The following SCAMP2 variants were observed in gnomAD, a reference collection of about 807,000 sequenced individuals.
The protein encoded by SCAMP2 is secretory carrier-associated membrane protein 2.
SCAMP2 carries 25 observed loss-of-function variants against 44.1 expected under a neutral mutation model. The observed-to-expected ratio is 0.57, with a 90% CI of 0.41 to 0.79. The LOEUF is 0.79. SCAMP2 is among the 30% of genes least tolerant of loss of function. SCAMP2 has a pLI of 0.00. For synonymous variants in SCAMP2, 156 were observed against 166.0 expected (o/e 0.94, Z 0.46); for missense variants, 355 against 411.0 (o/e 0.86, Z 1.18).
chr15:74,873,227 G>A lies in SCAMP2; in HGVS notation c.29C>T (p.Ala10Val). MSAFDTNPFADPVDVNPFQD... is the reference protein window; with the variant it reads MSAFDTNPFVDPVDVNPFQD... Reference sequence around the variant, plus strand: ...GAAGGGGTTTACATCCACTGGGTCCGCGAAGGGGTTGGTGTCGAAAGCCGA... The same window carrying A: ...GAAGGGGTTTACATCCACTGGGTCCACGAAGGGGTTGGTGTCGAAAGCCGA... The change falls in exon 1 of 9, where the codon GCG (alanine) becomes GTG (valine). Residue 10 changes from alanine (A) to valine (V), a missense_variant. Ala to Val is a moderately conservative substitution (Grantham distance 64). Coordinates refer to ENST00000268099, the MANE Select transcript of SCAMP2 (RefSeq NM_005697.5). The A allele has an allele frequency of 6.8e-7, 1 of 1,460,590 alleles. No homozygotes were observed. The highest frequency in any genetic ancestry group is 1.4e-5 in the South Asian group (1 of 69,630). The allele number at this position is 1,460,590 out of a possible 1,614,324, so 90.5% of individuals were successfully genotyped here.
chr15:74,865,785 C>CAAAAA (rs768984095), intron 1 of SCAMP2, among the ~76,000 whole-genome samples: 4 of 90,640 alleles, frequency 4.4e-5, no homozygotes, highest in East Asian at 3.2e-4. Context: ...CTCATTTCTC[C>CAAAAA]AAAAAAAAAA....
intron 6 of SCAMP2, 60 bp downstream of exon 6, chr15:74,850,454 T>G: frequency 6.6e-7 from 1 of 1,520,952 alleles, no homozygotes; most frequent in Non-Finnish European, 9.1e-7. Context: ...CCTATAGCCC[T>G]TAGCCTGCTA....
intron 1 of SCAMP2, among the ~76,000 whole-genome samples, chr15:74,865,635 C>T (rs971079882): frequency 6.6e-6 from 1 of 151,346 alleles, no homozygotes; most frequent in Non-Finnish European, 1.5e-5. Flanking sequence ...GATCTGGGAT[C>T]GCTGAAATGT....
intron 1 of SCAMP2, among the ~76,000 whole-genome samples, chr15:74,868,185 C>T (rs1019312052): frequency 5.9e-5 from 9 of 152,188 alleles, no homozygotes; most frequent in African/African-American, 2.2e-4. Flanking sequence ...CAGTTTCCTG[C>T]TTCCTCCTAG....
intron 1 of SCAMP2, among the ~76,000 whole-genome samples, chr15:74,862,830 A>AC (rs1422151912): frequency 2.8e-5 from 4 of 142,566 alleles, no homozygotes; most frequent in Non-Finnish European, 6.0e-5. Context: ...TCAAAAAAAA[A>AC]AAAAAAAACA....
chr15:74,849,872 G>A (rs1003171193), intron 6 of SCAMP2, among the ~76,000 whole-genome samples: 3 of 152,180 alleles, frequency 2.0e-5, no homozygotes, highest in Non-Finnish European at 4.4e-5. Flanking sequence ...ACTCTCTCAC[G>A]AGCTGAGGAC....
intron 7 of SCAMP2, among the ~76,000 whole-genome samples, chr15:74,847,051 T>C (rs1293588132): frequency 6.6e-6 from 1 of 151,130 alleles, no homozygotes; most frequent in African/African-American, 2.4e-5. Context: ...AGAACTGAGA[T>C]TCCAGAAATA....
chr15:74,864,543 G>C (rs548376287), intron 1 of SCAMP2, among the ~76,000 whole-genome samples: 1 of 152,282 alleles, frequency 6.6e-6, no homozygotes, highest in Non-Finnish European at 1.5e-5. Flanking sequence ...TTGCAGTCAG[G>C]GGTGACATGA....
chr15:74,853,118 T>G (rs962249812), intron 3 of SCAMP2: 2 of 296,700 alleles, frequency 6.7e-6, no homozygotes. Context: ...GAGCCAAGTT[T>G]CAGGCACTGG....
At position 74,848,552 on chromosome 15, in the gene SCAMP2, G is replaced by A. The variant is rs754293194; in HGVS notation, c.734+48C>T. On this transcript the variant is annotated intron_variant, in intron 7 of 8. Transcript: ENST00000268099. ...GCTAGAAAACAGGGCAAGAGAGGCT[G>A]AGTCCCATATCCAAAGCCTAATTCC... 9.8e-6 allele frequency: 12 copies of A among 1,218,956 alleles called. No homozygotes were observed. The African/African-American group carries it at 1.8e-4, about 18-fold the overall frequency. The allele number at this position is 1,218,956 out of a possible 1,614,324, so 75.5% of individuals were successfully genotyped here.
At chr15:74,859,641 G>T (rs2064490089) in intron 1 of SCAMP2, among the ~76,000 whole-genome samples, 1 of 139,238 alleles carries the variant, frequency 7.2e-6, no homozygotes, top group Non-Finnish European at 1.6e-5. Context: ...TTTTGAGATG[G>T]AGTCTCGCTC....
chr15:74,848,426 C>T (rs969895133), intron 7 of SCAMP2, 174 bp downstream of exon 7: 34 of 507,232 alleles, frequency 6.7e-5, no homozygotes, highest in Non-Finnish European at 4.5e-5. Flanking sequence ...TGAGTGGCTA[C>T]TGATGAAGAA....
intron 3 of SCAMP2, 37 bp from the exon 4 acceptor site, chr15:74,852,223 A>G (rs764703441): frequency 1.4e-6 from 2 of 1,400,414 alleles, no homozygotes; most frequent in Admixed American, 5.2e-5. Context: ...ACAGCCAGAC[A>G]CAACAAACAG....
At position 74,848,692 on chromosome 15, in the gene SCAMP2, G is replaced by A; in HGVS notation, c.642C>T (p.Asn214=). ...RPIYKAFRSD[N]SFSFFVFFFV... ...AGAAGAACACAAAGAAGCTGAAAGA[G>A]TTGTCGGACCTGTGGAGAGAGAGGG... Residue 214 remains asparagine, a synonymous_variant, in exon 7 of 9, where the codon AAC becomes AAT. Transcript: ENST00000268099. 2 of 1,612,400 alleles carry A rather than the reference G, an allele frequency of 1.2e-6. No homozygotes were observed. The highest frequency in any genetic ancestry group is 1.7e-6 in the Non-Finnish European group (2 of 1,178,514).
chr15:74,855,204 A>T (rs944276805), intron 1 of SCAMP2, among the ~76,000 whole-genome samples: 3 of 151,916 alleles, frequency 2.0e-5, no homozygotes, highest in Non-Finnish European at 4.4e-5. Flanking sequence ...CCTGGGTTGA[A>T]GCGATTCTCC....
intron 1 of SCAMP2, among the ~76,000 whole-genome samples, chr15:74,871,435 C>A (rs1723776732): frequency 3.3e-5 from 5 of 151,954 alleles, no homozygotes; most frequent in African/African-American, 1.2e-4. Context: ...GCCTGGGCGA[C>A]AGAGTGAGAC....
chr15:74,858,584 CA>C (rs949764948), intron 1 of SCAMP2, among the ~76,000 whole-genome samples: 3 of 152,150 alleles, frequency 2.0e-5, no homozygotes, highest in South Asian at 2.1e-4. Context: ...CTTAAGATCT[CA>C]GGGGTAGTGG....
At chr15:74,870,984 G>A (rs1312932741) in intron 1 of SCAMP2, among the ~76,000 whole-genome samples, 1 of 152,174 alleles carries the variant, frequency 6.6e-6, no homozygotes, top group Non-Finnish European at 1.5e-5. Context: ...GTGACATCCT[G>A]ACAGAGCAGA....
At chr15:74,870,050 C>T (rs1011176776) in intron 1 of SCAMP2, among the ~76,000 whole-genome samples, 1 of 152,178 alleles carries the variant, frequency 6.6e-6, no homozygotes, top group African/African-American at 2.4e-5. Flanking sequence ...CCACTGTGTG[C>T]CAAGAGGAAA....
Sources: gnomAD v4.1 joint callset for allele counts (sites outside exome capture counted in the v4.1 genomes callset) on GRCh38, gnomAD v4.1.1 for gene constraint, MANE v1.5 for transcripts, NCBI Gene and HGNC (gene_info 2026-07-23, HGNC 2026-07-21) for gene names.